MYBPC3: variants seen among roughly 807,000 people sequenced by gnomAD.
The protein encoded by MYBPC3 is myosin-binding protein C, cardiac-type.
A neutral mutation model predicts 159.3 loss-of-function variants in MYBPC3; 108 were observed. The ratio of observed to expected loss-of-function variants is 0.68; its 90% CI spans 0.58 to 0.80. MYBPC3 has a LOEUF of 0.80. Among genes scored for constraint, MYBPC3 ranks in the 30% least tolerant of loss-of-function variants. The pLI is 0.00. For synonymous variants in MYBPC3, 730 were observed against 702.0 expected, an observed-to-expected ratio of 1.04 and a Z score of -0.63; for missense variants, 1,631 against 1,762.1, an observed-to-expected ratio of 0.93 and a Z score of 1.33.
rs2095878564 is a variant in MYBPC3, at chr11:47,332,859, C to T, written c.3445G>A (p.Asp1149Asn). 6.2e-7 allele frequency: 1 copy of T among 1,607,354 alleles called. No individual in the cohort carries two copies. ...GGCTCCTTGGTGGTGGCCGCTCTGT[C>T]ACTAAAGCCAACCATATTCTGGCTG... is the stretch of plus-strand genomic sequence containing the variant. ...VFSQNMVGFSDRAATTKEPVF... is the reference protein window; with the variant it reads ...VFSQNMVGFSNRAATTKEPVF... Residue 1149 changes from aspartate (D) to asparagine (N), a missense_variant, in exon 31 of 35, where the codon GAC (aspartate) becomes AAC (asparagine). By Grantham distance (23) the Asp-to-Asn change is conservative (BLOSUM62 1). Coordinates refer to ENST00000545968, the MANE Select transcript of MYBPC3 (RefSeq NM_000256.3). This position sits in a 1 kb window ranked among gnomAD's most constrained non-coding sequence, Gnocchi z 4.2.
chr11:47,350,008 ACT>A lies in MYBPC3; in HGVS notation c.505+4_505+5del. ...CCCAATGCTGGGCACAGCAGCTCAC[ACT>A]CACCCACGGTCACCTCGCCATCCTG... is the stretch of plus-strand genomic sequence containing the variant. On this transcript the variant is annotated splice_donor_5th_base_variant and intron_variant, in intron 4 of 34. Transcript: ENST00000545968. The A allele has an allele frequency of 6.4e-7, 1 of 1,559,968 alleles. No individual in the cohort carries two copies.
In MYBPC3 at chr11:47,342,057, C is replaced by A. The variant is rs1400204888; in HGVS notation, c.1724G>T (p.Gly575Val). 2 of 1,612,436 alleles carry A rather than the reference C, an allele frequency of 1.2e-6. No homozygotes were observed. The highest frequency in any genetic ancestry group is 1.7e-6 in the Non-Finnish European group (2 of 1,179,210). ...CTCCTTCCCATTCTTCAGCCACACACCCCGAACATTCTCATCTGAGACCTC... is the reference window on the plus strand; with the variant it reads ...CTCCTTCCCATTCTTCAGCCACACAACCCGAACATTCTCATCTGAGACCTC... The part of the protein sequence containing the change: ...KCEVSDENVR[G>V]VWLKNGKELV... The change falls in exon 18 of 35, where the codon GGT (glycine) becomes GTT (valine). Residue 575 changes from glycine to valine, a missense_variant. Gly to Val is a moderately radical substitution (Grantham distance 109). Transcript: ENST00000545968.
In MYBPC3 at chr11:47,351,116, G is replaced by C; in HGVS notation, c.292+123C>G. 2 of 1,263,244 alleles carry C rather than the reference G, an allele frequency of 1.6e-6. No homozygotes were observed. The highest frequency in any genetic ancestry group is 1.7e-5 in the South Asian group (1 of 58,054). 78.3% of individuals were successfully genotyped at this position (1,263,244 alleles called of 1,614,324 possible). ...GGGGAAAGGGCGTTCCTGGCGGGGG[G>C]CACAGCCACAGCAAAGGCAAGAAAG... On this transcript the variant is annotated intron_variant, in intron 2 of 34. Coordinates refer to ENST00000545968, the MANE Select transcript of MYBPC3 (RefSeq NM_000256.3). The surrounding 1 kb of genome is among the most constrained non-coding windows in gnomAD (Gnocchi z 4.2).
At position 47,333,206 on chromosome 11, in the gene MYBPC3, G is replaced by C; in HGVS notation, c.3318C>G (p.Asp1106Glu). The change falls in exon 30 of 35, where the codon GAC becomes GAG. Residue 1106 changes from aspartate (D) to glutamate (E), a missense_variant. Physicochemically the swap from Asp to Glu is conservative, Grantham distance 45. Transcript: ENST00000545968. ...ELWGYTVQKA[D>E]KKTMEWFTVL... is the part of the protein sequence containing the mutation. ...ACCCTGGGCTCACCATGGTCTTCTT[G>C]TCGGCTTTCTGCACTGTGTACCCCC... 1 of 1,601,950 alleles carries C rather than the reference G, an allele frequency of 6.2e-7. No individual in the cohort carries two copies. The highest frequency in any genetic ancestry group is 8.5e-7 in the Non-Finnish European group (1 of 1,174,230).
chr11:47,352,522 G>T, intron 1 of MYBPC3, 101 bp downstream of exon 1: 2 of 1,483,404 alleles, frequency 1.3e-6, no homozygotes, highest in Non-Finnish European at 1.8e-6. Flanking sequence ...CAGAGGCCAC[G>T]TCCTCGTCAA....
At position 47,335,891 on chromosome 11, in the gene MYBPC3, T is replaced by C. The variant is rs397515984; in HGVS notation, c.2723A>G (p.Tyr908Cys). The C allele has an allele frequency of 6.5e-6, 10 of 1,530,188 alleles. No individual in the cohort carries two copies. Among genetic ancestry groups the C allele is most frequent in the Non-Finnish European group, 7.9e-6 (9 of 1,135,964 alleles). 94.8% of individuals were successfully genotyped at this position (1,530,188 alleles called of 1,614,324 possible). Residue 908 changes from tyrosine (Y) to cysteine (C), a missense_variant, in exon 26 of 35, where the codon TAC becomes TGC. Transcript: ENST00000545968. ...AGGLDGYSVE[Y>C]CPEGCSEWVA... is the part of the protein sequence containing the mutation. Reference sequence around the variant, plus strand: ...GGGACACTCACAGCCCTCTGGGCAGTACTCCACGCTGTAGCCATCCAGGCC... The same window carrying C: ...GGGACACTCACAGCCCTCTGGGCAGCACTCCACGCTGTAGCCATCCAGGCC...
chr11:47,341,308 C>A, intron 18 of MYBPC3, 64 bp from the exon 19 acceptor site: 1 of 1,333,032 alleles, frequency 7.5e-7, no homozygotes, highest in Non-Finnish European at 1.0e-6. Flanking sequence ...TGCCAGATAC[C>A]CCAGCCAGGG....
intron 1 of MYBPC3, among the ~76,000 whole-genome samples, chr11:47,352,339 G>A (rs1458087413): frequency 6.6e-6 from 1 of 152,052 alleles, no homozygotes. Flanking sequence ...ACAGGGAAGG[G>A]GTCCCTTTGC....
rs753884765 is a variant in MYBPC3 at position 47,346,637 on chromosome 11, G to A, written c.916C>T (p.Arg306Trp). ...SSLLKKRDSF[R>W]TPRDSKLEAP... ...ATGTTGGGCACTCACCTCGGGGTCCGGAAACTGCTGCTCCAGGGGTGGGGG... is the reference window on the plus strand; with the variant it reads ...ATGTTGGGCACTCACCTCGGGGTCCAGAAACTGCTGCTCCAGGGGTGGGGG... The change falls in exon 11 of 35, where the codon CGG (arginine) becomes TGG (tryptophan). Residue 306 changes from arginine (R) to tryptophan (W), a missense_variant. Transcript: ENST00000545968. This position sits in a 1 kb window ranked among gnomAD's most constrained non-coding sequence, Gnocchi z 5.3. 12 of 1,593,364 alleles carry A rather than the reference G, an allele frequency of 7.5e-6. 1 individual carries two copies. The Middle Eastern group carries it at 5.0e-4, about 67-fold the overall frequency.
At chr11:47,336,792 C>T (rs1046364942) in intron 25 of MYBPC3, among the ~76,000 whole-genome samples, 1 of 152,214 alleles carries the variant, frequency 6.6e-6, no homozygotes, top group African/African-American at 2.4e-5. Context: ...ACCTGTTCTG[C>T]CCACTCAGAC....
In MYBPC3 at chr11:47,339,416, G is replaced by A. The variant is rs1595844728; in HGVS notation, c.2068-12C>T. The A allele has an allele frequency of 6.2e-7, 1 of 1,613,520 alleles. No homozygotes were observed. Among genetic ancestry groups the A allele is most frequent in the Non-Finnish European group, 8.5e-7 (1 of 1,179,560 alleles). On this transcript the variant is annotated splice_polypyrimidine_tract_variant and intron_variant, in intron 21 of 34. Coordinates refer to ENST00000545968, the MANE Select transcript of MYBPC3 (RefSeq NM_000256.3). ...GGGGCCTTATTCCCCTGGGAACAGG[G>A]CAGGAGGGAAGTAGGGAGCAGAGGA... is the stretch of plus-strand genomic sequence containing the variant.
chr11:47,350,622 G>A lies in MYBPC3; in HGVS notation c.293-7C>T, dbSNP rs988862198. 2.0e-6 allele frequency: 3 copies of A among 1,475,246 alleles called. No individual in the cohort carries two copies. Among genetic ancestry groups the A allele is most frequent in the Non-Finnish European group, 2.7e-6 (3 of 1,120,982 alleles). The allele number at this position is 1,475,246 out of a possible 1,614,324, so 91.4% of individuals were successfully genotyped here. On this transcript the variant is annotated splice_region_variant and splice_polypyrimidine_tract_variant and intron_variant, in intron 2 of 34. Coordinates refer to ENST00000545968, the MANE Select transcript of MYBPC3 (RefSeq NM_000256.3). ...AGCATGGGCTCTGCCTTCTCTGGAG[G>A]GGATCAGATGGGAGTCGTGGTGCAG... is the stretch of plus-strand genomic sequence containing the variant.
rs555554960 is a variant in MYBPC3, at chr11:47,332,026, G to T, written c.3814+46C>A. 13 of 1,599,544 alleles carry T rather than the reference G, an allele frequency of 8.1e-6. No individual in the cohort carries two copies. The African/African-American group carries it at 1.5e-4, about 18-fold the overall frequency. On this transcript the variant is annotated intron_variant, in intron 33 of 34. Coordinates refer to ENST00000545968, the MANE Select transcript of MYBPC3 (RefSeq NM_000256.3). This position sits in a 1 kb window ranked among gnomAD's most constrained non-coding sequence, Gnocchi z 4.2. ...AGCAAAGCCCAGGGTCCCCACTGCC[G>T]CCCGCTCTTCCCATCTCCCAGGCCC...
At position 47,340,212 on chromosome 11, in the gene MYBPC3, TACAC is replaced by T. The variant is rs200130988; in HGVS notation, c.1928-426_1928-423del. On this transcript the variant is annotated intron_variant, in intron 20 of 34. Coordinates refer to ENST00000545968, the MANE Select transcript of MYBPC3 (RefSeq NM_000256.3). The stretch of plus-strand genomic sequence containing the variant: ...ACACACACATGCACACAGACACAAA[TACAC>T]ATACATACACGCACACACACAGACA... Among the ~76,000 whole-genome samples, 974 of 143,106 alleles carry T rather than the reference TACAC, an allele frequency of 6.8e-3. 9 individuals carry two copies. Among genetic ancestry groups the T allele is most frequent in the African/African-American group, 0.024 (905 of 37,322 alleles). 93.9% of individuals were successfully genotyped at this position (143,106 alleles called of 152,430 possible).
intron 25 of MYBPC3, 77 bp downstream of exon 25, chr11:47,337,314 C>G (rs1595843502): frequency 1.5e-5 from 22 of 1,446,408 alleles, no homozygotes; most frequent in Non-Finnish European, 2.0e-5. Context: ...GCATGGCTGC[C>G]TGCAGAGCAC....
intron 25 of MYBPC3, chr11:47,336,505 AAAAAAAAACT>A (rs1347628330): frequency 6.6e-6 from 1 of 152,246 alleles, no homozygotes; most frequent in African/African-American, 2.4e-5. Flanking sequence ...AAAAAAAAAA[AAAAAAAAACT>A]AAAACTAAAA....
At position 47,332,370 on chromosome 11, in the gene MYBPC3, T is replaced by G. The variant is rs2142849698; in HGVS notation, c.3628-112A>C. The G allele has an allele frequency of 6.9e-7, 1 of 1,445,294 alleles. No individual in the cohort carries two copies. The allele number at this position is 1,445,294 out of a possible 1,614,324, so 89.5% of individuals were successfully genotyped here. On this transcript the variant is annotated intron_variant, in intron 32 of 34. Transcript: ENST00000545968. This position sits in a 1 kb window ranked among gnomAD's most constrained non-coding sequence, Gnocchi z 4.2. The stretch of plus-strand genomic sequence containing the variant: ...ACTCGGGGGGTCCCACGAGAGTCCC[T>G]GACTATGCCCAAGGCTGGAAACAAA...
In MYBPC3 at chr11:47,333,183, C is replaced by T. The variant is rs1369987328; in HGVS notation, c.3330+11G>A. On this transcript the variant is annotated intron_variant, in intron 30 of 34. Coordinates refer to ENST00000545968, the MANE Select transcript of MYBPC3 (RefSeq NM_000256.3). ...CAGGGTGCACGTGGGGACCCCAGAC[C>T]CTGGGCTCACCATGGTCTTCTTGTC... is the stretch of plus-strand genomic sequence containing the variant. 16 of 1,600,850 alleles carry T rather than the reference C, an allele frequency of 1.0e-5. No individual in the cohort carries two copies. Among genetic ancestry groups the T allele is most frequent in the African/African-American group, 1.3e-5 (1 of 74,758 alleles).
rs1273374175 is a variant in MYBPC3, at chr11:47,337,704, C to T, written c.2399G>A (p.Gly800Glu). Residue 800 changes from glycine (G) to glutamate (E), a missense_variant, in exon 24 of 35, where the codon GGG (glycine) becomes GAG (glutamate). Transcript: ENST00000545968. ...VQWEPPAYDG[G>E]QPILGYILER... ...CTTGCACTCACCCAGGATGGGCTGCCCGCCATCGTAGGCAGGCGGCTCCCA... is the reference window on the plus strand; with the variant it reads ...CTTGCACTCACCCAGGATGGGCTGCTCGCCATCGTAGGCAGGCGGCTCCCA... 1.3e-6 allele frequency: 2 copies of T among 1,579,240 alleles called. No homozygotes were observed. Among genetic ancestry groups the T allele is most frequent in the Non-Finnish European group, 1.7e-6 (2 of 1,162,660 alleles).
Sources: allele counts gnomAD v4.1 joint callset (sites outside exome capture counted in the v4.1 genomes callset), GRCh38; gene constraint gnomAD v4.1.1; non-coding constraint Gnocchi (gnomAD v3.1); transcripts MANE v1.5; gene names NCBI Gene and HGNC (gene_info 2026-07-23, HGNC 2026-07-21).